CCDC73: variants seen among roughly 807,000 people sequenced by gnomAD.
CCDC73 encodes coiled-coil domain-containing protein 73.
Under a neutral mutation model 116.5 loss-of-function variants are expected in CCDC73, and 95 were observed. That is an observed-to-expected ratio of 0.82 (90% confidence interval 0.69 to 0.97). CCDC73 has a LOEUF of 0.97. CCDC73 is among the 50% of genes least tolerant of loss of function. The probability of loss-of-function intolerance (pLI) is 0.00; values close to 1 mark genes in which losing one functional copy is unlikely to be tolerated. For missense variants in CCDC73, 1,066 were observed against 1,206.8 expected (o/e 0.88, Z 1.73); for synonymous variants, 398 against 401.3 (o/e 0.99, Z 0.10).
intron 9 of CCDC73, among the ~76,000 whole-genome samples, chr11:32,674,966 C>T (rs1856072810): frequency 1.3e-5 from 2 of 152,242 alleles, no homozygotes; most frequent in East Asian, 1.9e-4. Flanking sequence ...CTCAAATATA[C>T]TAAACTCTTT....
At chr11:32,790,111 A>C (rs978531347) in intron 1 of CCDC73, among the ~76,000 whole-genome samples, 14 of 151,812 alleles carry the variant, frequency 9.2e-5, no homozygotes, top group African/African-American at 3.4e-4. Context: ...AGGCTGAGAG[A>C]AGATGAGATG....
At chr11:32,747,552 G>A (rs1411604188) in intron 2 of CCDC73, among the ~76,000 whole-genome samples, 1 of 152,200 alleles carries the variant, frequency 6.6e-6, no homozygotes, top group Non-Finnish European at 1.5e-5. Flanking sequence ...ATCTAGAGAG[G>A]CAGTAGGCCT....
chr11:32,616,279 T>A, intron 14 of CCDC73, 150 bp from the exon 15 acceptor site: 3 of 755,612 alleles, frequency 4.0e-6, no homozygotes, highest in East Asian at 6.1e-5. Flanking sequence ...AAGTTTAATA[T>A]ACCATACTCT....
At chr11:32,804,065 C>A in the CCDC73 span, among the ~76,000 whole-genome samples, 1 of 152,140 alleles carries the variant, frequency 6.6e-6, no homozygotes, top group Non-Finnish European at 1.5e-5. Context: ...CCACCTCGGC[C>A]TCCCAAAATA....
At chr11:32,627,979 A>T (rs1212505825) in intron 14 of CCDC73, among the ~76,000 whole-genome samples, 3 of 152,224 alleles carry the variant, frequency 2.0e-5, no homozygotes, top group African/African-American at 2.4e-5. Context: ...ATAAAAAAAT[A>T]AAAATATCTG....
intron 14 of CCDC73, among the ~76,000 whole-genome samples, chr11:32,630,563 G>A (rs920586050): frequency 6.6e-6 from 1 of 152,100 alleles, no homozygotes; most frequent in Admixed American, 6.5e-5. Flanking sequence ...GGCTGGTCTC[G>A]AACTCCTCAC....
intron 2 of CCDC73, among the ~76,000 whole-genome samples, chr11:32,724,579 CG>C (rs1590614276): frequency 3.1e-5 from 3 of 96,936 alleles, no homozygotes; most frequent in African/African-American, 1.1e-4. Context: ...AACTTACTTC[CG>C]ATTTTTTAGA....
At chr11:32,825,679 CAT>C in the CCDC73 span, among the ~76,000 whole-genome samples, 1 of 152,108 alleles carries the variant, frequency 6.6e-6, no homozygotes, top group South Asian at 2.1e-4. Context: ...TCCTTTTTCA[CAT>C]GTGTTTGGAA....
At chr11:32,819,368 C>T in the CCDC73 span, among the ~76,000 whole-genome samples, 2 of 151,898 alleles carry the variant, frequency 1.3e-5, no homozygotes, top group African/African-American at 2.4e-5. Context: ...GGATTACACT[C>T]GGCTGAAATG....
At chr11:32,725,388 T>A (rs1389362024) in intron 2 of CCDC73, among the ~76,000 whole-genome samples, 1 of 152,160 alleles carries the variant, frequency 6.6e-6, no homozygotes, top group Non-Finnish European at 1.5e-5. Context: ...CAGTACATAT[T>A]GCACAGGGTT....
At chr11:32,749,354 G>A (rs942310460) in intron 2 of CCDC73, among the ~76,000 whole-genome samples, 1 of 151,678 alleles carries the variant, frequency 6.6e-6, no homozygotes, top group Admixed American at 6.6e-5. Flanking sequence ...TTCAATTCCA[G>A]AATTTCTGCT....
chr11:32,608,535 G>A (rs927498373), intron 17 of CCDC73, among the ~76,000 whole-genome samples: 1 of 152,120 alleles, frequency 6.6e-6, no homozygotes, highest in Non-Finnish European at 1.5e-5. Flanking sequence ...CACTTTCACG[G>A]GCTGACATTG....
intron 9 of CCDC73, among the ~76,000 whole-genome samples, chr11:32,665,167 A>G (rs1294122520): frequency 6.6e-6 from 1 of 152,142 alleles, no homozygotes; most frequent in Non-Finnish European, 1.5e-5. Context: ...GTAGATGTCT[A>G]TTAGGTCCGC....
At chr11:32,817,380 G>A in the CCDC73 span, among the ~76,000 whole-genome samples, 2 of 152,138 alleles carry the variant, frequency 1.3e-5, no homozygotes, top group African/African-American at 4.8e-5. Context: ...TTGCCAAATG[G>A]CCCTCCAGAA....
intron 14 of CCDC73, among the ~76,000 whole-genome samples, chr11:32,627,721 C>CA (rs1424011759): frequency 6.6e-6 from 1 of 151,992 alleles, no homozygotes; most frequent in Non-Finnish European, 1.5e-5. Context: ...ATCGCAAGGA[C>CA]AAAAAACCAA....
chr11:32,640,325 CT>C lies in CCDC73; in HGVS notation c.1050+1646del, dbSNP rs529457544. 1.5e-3 allele frequency among the ~76,000 whole-genome samples: 228 copies of C among 151,966 alleles called. 1 individual carries two copies. Among genetic ancestry groups the C allele is most frequent in the African/African-American group, 4.8e-3 (201 of 41,470 alleles). The stretch of plus-strand genomic sequence containing the variant: ...ACTGCTTATTTTTCTTAATAGTTTT[CT>C]TTTTTTTCTTGAGAGAGGAGCATGG... On this transcript the variant is annotated intron_variant, in intron 13 of 17. Transcript: ENST00000335185.
intron 2 of CCDC73, among the ~76,000 whole-genome samples, chr11:32,730,863 T>C (rs1479899529): frequency 6.6e-6 from 1 of 152,090 alleles, no homozygotes; most frequent in Non-Finnish European, 1.5e-5. Context: ...AGAAGATGGG[T>C]GATTTCTGCA....
the CCDC73 span, among the ~76,000 whole-genome samples, chr11:32,816,956 C>T: frequency 2.6e-5 from 4 of 151,834 alleles, no homozygotes; most frequent in Admixed American, 1.3e-4. Flanking sequence ...GCTAATTTTA[C>T]GTATTTTTAG....
At chr11:32,637,380 C>T (rs185689) in intron 13 of CCDC73, among the ~76,000 whole-genome samples, 36,821 of 151,904 alleles carry the variant, frequency 0.24, 4,632 homozygotes, top group Middle Eastern at 0.28. Flanking sequence ...CTCCTTAATA[C>T]CCTGACTTCT....
Sources: gnomAD v4.1 joint callset for allele counts (sites outside exome capture counted in the v4.1 genomes callset) on GRCh38, gnomAD v4.1.1 for gene constraint, MANE v1.5 for transcripts, NCBI Gene and HGNC (gene_info 2026-07-23, HGNC 2026-07-21) for gene names.